The following LRBA variants were observed in gnomAD, a reference collection of about 807,000 sequenced individuals.
LRBA encodes lipopolysaccharide-responsive and beige-like anchor protein.
In LRBA, 176 loss-of-function variants were observed where a neutral mutation model predicts 330.0. The ratio of observed to expected loss-of-function variants is 0.53; its 90% CI spans 0.47 to 0.60. LRBA has a LOEUF of 0.60. LRBA is among the 20% of genes least tolerant of loss of function. The probability of loss-of-function intolerance (pLI) is 0.00; values close to 1 mark genes in which losing one functional copy is unlikely to be tolerated. For synonymous variants in LRBA, 1,230 were observed against 1,193.0 expected (o/e 1.03, Z -0.64); for missense variants, 3,259 against 3,444.8 (o/e 0.95, Z 1.35).
intron 37 of LRBA, among the ~76,000 whole-genome samples, chr4:150,674,215 T>G (rs1257060865): frequency 6.6e-6 from 1 of 151,650 alleles, no homozygotes; most frequent in Non-Finnish European, 1.5e-5. Flanking sequence ...AAAATGAATT[T>G]GAAAACAGGC....
intron 34 of LRBA, among the ~76,000 whole-genome samples, chr4:150,771,781 G>A (rs1210702967): frequency 1.3e-5 from 2 of 152,162 alleles, no homozygotes; most frequent in Non-Finnish European, 2.9e-5. Context: ...TGAGTCCTTG[G>A]ATAACCTCCA....
rs137902682 is a variant in LRBA, at chr4:150,908,441, G to A, written c.1386C>T (p.Ser462=). 19 of 1,604,644 alleles carry A rather than the reference G, an allele frequency of 1.2e-5. No homozygotes were observed. The African/African-American group carries it at 2.0e-4, about 17-fold the overall frequency. The change falls in exon 11 of 57, where the codon TCC becomes TCT. Residue 462 remains serine, a synonymous_variant. Coordinates refer to ENST00000651943, the MANE Select transcript of LRBA (RefSeq NM_001364905.1). ...LQDVKAVLTH[S]IQSAMHSIGG... ...CAATTGAATGCATTGCACTTTGGAT[G>A]GAATGTGTTAAAACTGCCTTTACAT... is the stretch of plus-strand genomic sequence containing the variant.
At chr4:150,676,704 T>C (rs552545026) in intron 37 of LRBA, among the ~76,000 whole-genome samples, 3 of 152,258 alleles carry the variant, frequency 2.0e-5, no homozygotes, top group African/African-American at 7.2e-5. Flanking sequence ...TTTTCTCAAA[T>C]TCCTTAAATA....
intron 47 of LRBA, among the ~76,000 whole-genome samples, chr4:150,366,163 A>G (rs1421934607): frequency 6.6e-6 from 1 of 152,146 alleles, no homozygotes; most frequent in Admixed American, 6.5e-5. Context: ...AACAGTCTCA[A>G]AGAATAAGGC....
intron 40 of LRBA, among the ~76,000 whole-genome samples, chr4:150,536,194 A>C (rs1366160375): frequency 6.6e-6 from 1 of 152,166 alleles, no homozygotes; most frequent in Non-Finnish European, 1.5e-5. Flanking sequence ...AACCAGATAC[A>C]ATGAGGATTC....
chr4:150,484,203 G>T (rs1757618324), intron 42 of LRBA, among the ~76,000 whole-genome samples: 1 of 151,808 alleles, frequency 6.6e-6, no homozygotes, highest in Admixed American at 6.6e-5. Context: ...AATGTTTTTG[G>T]CAATTTAACC....
At chr4:150,879,123 A>G (rs1337237342) in intron 17 of LRBA, among the ~76,000 whole-genome samples, 1 of 152,186 alleles carries the variant, frequency 6.6e-6, no homozygotes, top group African/African-American at 2.4e-5. Flanking sequence ...AGTCCCCAAC[A>G]AAATACTAGC....
rs1256298535 is a variant in LRBA at position 150,432,079 on chromosome 4, C to CA, written c.7041+3509dup. ...TATTCAAGTAACAGCTCCCCCTCAG[C>CA]AAAAAAACAATTAAGTTACCAGAAA... On this transcript the variant is annotated intron_variant, in intron 46 of 56. Coordinates refer to ENST00000651943, the MANE Select transcript of LRBA (RefSeq NM_001364905.1). Among the ~76,000 whole-genome samples the CA allele has an allele frequency of 2.6e-5, 4 of 151,826 alleles. No individual in the cohort carries two copies. The East Asian group carries it at 5.8e-4, about 22-fold the overall frequency.
intron 44 of LRBA, among the ~76,000 whole-genome samples, chr4:150,449,757 CA>C: frequency 6.6e-6 from 1 of 152,218 alleles, no homozygotes; most frequent in Non-Finnish European, 1.5e-5. Context: ...AACTACCTGA[CA>C]TAAGAAGAAG....
chr4:151,002,398 C>G (rs1434690090), intron 2 of LRBA, among the ~76,000 whole-genome samples: 1 of 151,324 alleles, frequency 6.6e-6, no homozygotes, highest in African/African-American at 2.4e-5. Flanking sequence ...GAAACCCCCC[C>G]CACTAAAAAT....
intron 36 of LRBA, among the ~76,000 whole-genome samples, chr4:150,697,325 G>GAAAAAAAAAAAAAAAAAAAAA (rs60145657): frequency 3.6e-5 from 1 of 28,054 alleles, no homozygotes; most frequent in African/African-American, 1.3e-4. Flanking sequence ...CTTTGTCTCA[G>GAAAAAAAAAAAAAAAAAAAAA]AAAAAAAAAA....
intron 40 of LRBA, among the ~76,000 whole-genome samples, chr4:150,527,681 C>T (rs941429616): frequency 6.6e-6 from 1 of 152,170 alleles, no homozygotes; most frequent in Non-Finnish European, 1.5e-5. Context: ...TCAGCACTAT[C>T]CTGCTCTTCT....
Position 150,462,195 on chromosome 4 carries a change from T to C in LRBA, c.6780+5478A>G, listed in dbSNP as rs144608514. On this transcript the variant is annotated intron_variant, in intron 44 of 56. Transcript: ENST00000651943. ...TCCAAATTCTATGCATGGTTAGATC[T>C]GTCTTCTCATCAGTCAGAATTTCAG... Among the ~76,000 whole-genome samples the C allele has an allele frequency of 3.6e-4, 55 of 151,958 alleles. No homozygotes were observed. In the East Asian group the frequency reaches 9.7e-3, roughly 27 times the overall value.
chr4:150,922,388 A>C (rs1733381141), intron 4 of LRBA, among the ~76,000 whole-genome samples: 1 of 97,524 alleles, frequency 1.0e-5, no homozygotes, highest in Non-Finnish European at 2.2e-5. Flanking sequence ...GGATAAAGAA[A>C]CTGTGGTATA....
intron 44 of LRBA, among the ~76,000 whole-genome samples, chr4:150,448,831 G>A (rs1323526856): frequency 1.6e-5 from 2 of 122,358 alleles, no homozygotes; most frequent in Non-Finnish European, 3.3e-5. Flanking sequence ...AAGGGGGGGG[G>A]GGTGGGCAGG....
At chr4:150,354,690 T>C (rs573448566) in intron 47 of LRBA, among the ~76,000 whole-genome samples, 2 of 152,224 alleles carry the variant, frequency 1.3e-5, no homozygotes, top group Non-Finnish European at 2.9e-5. Flanking sequence ...GGGACTCATA[T>C]TAGTGTTGAC....
chr4:150,849,479 A>G lies in LRBA; in HGVS notation c.4101T>C (p.Asn1367=). ...TIHLISQVMD[N]MVMACGGILP... ...GTATACCCCCACAAGCCATGACCAT[A>G]TTGTCCATCACTTGAGAGATGAGAT... The change falls in exon 25 of 57, where the codon AAT becomes AAC. Residue 1367 remains asparagine, a synonymous_variant. Transcript: ENST00000651943. 2 of 1,613,532 alleles carry G rather than the reference A, an allele frequency of 1.2e-6. No homozygotes were observed. Among genetic ancestry groups the G allele is most frequent in the South Asian group, 2.2e-5 (2 of 91,072 alleles).
intron 42 of LRBA, among the ~76,000 whole-genome samples, chr4:150,472,871 A>G (rs1348543973): frequency 6.6e-6 from 1 of 152,156 alleles, no homozygotes. Flanking sequence ...TATAGAATAC[A>G]GCACATTTTG....
At chr4:150,268,869 A>G (rs951548826) in intron 56 of LRBA, among the ~76,000 whole-genome samples, 1 of 152,208 alleles carries the variant, frequency 6.6e-6, no homozygotes, top group African/African-American at 2.4e-5. Context: ...CTCTTATCCA[A>G]CAGTACTGAA....
Sources: allele counts gnomAD v4.1 joint callset (sites outside exome capture counted in the v4.1 genomes callset), GRCh38; gene constraint gnomAD v4.1.1; transcripts MANE v1.5; gene names NCBI Gene and HGNC (gene_info 2026-07-23, HGNC 2026-07-21).